The following NIBAN1 variants were observed in gnomAD, a reference collection of about 807,000 sequenced individuals.
The protein encoded by NIBAN1 is niban apoptosis regulator 1, also known as protein Niban 1.
NIBAN1 carries 81 observed loss-of-function variants against 75.1 expected under a neutral mutation model. The observed-to-expected ratio is 1.08, with a 90% CI of 0.90 to 1.30. The LOEUF is 1.30. Among genes scored for constraint, NIBAN1 ranks in the 50% most tolerant of loss-of-function variants. NIBAN1 has a pLI of 0.00. For synonymous variants in NIBAN1, 436 were observed against 424.8 expected, an observed-to-expected ratio of 1.03 and a Z score of -0.32; for missense variants, 1,133 against 1,128.1, an observed-to-expected ratio of 1.00 and a Z score of -0.06.
intron 5 of NIBAN1, among the ~76,000 whole-genome samples, chr1:184,843,700 C>T (rs553442072): frequency 6.6e-6 from 1 of 152,190 alleles, no homozygotes; most frequent in Non-Finnish European, 1.5e-5. Flanking sequence ...GAGTGCAAAA[C>T]TATCTCCCAA....
At chr1:184,842,090 G>A (rs545451062) in intron 5 of NIBAN1, among the ~76,000 whole-genome samples, 1 of 152,226 alleles carries the variant, frequency 6.6e-6, no homozygotes, top group African/African-American at 2.4e-5. Flanking sequence ...AAGGGGTGCT[G>A]GTTTAAATCT....
chr1:184,947,522 A>G (rs2102059119), intron 1 of NIBAN1, among the ~76,000 whole-genome samples: 1 of 152,322 alleles, frequency 6.6e-6, no homozygotes, highest in South Asian at 2.1e-4. Flanking sequence ...CAAGTTGCCA[A>G]TGTTTAACAT....
At chr1:184,899,093 A>G in intron 2 of NIBAN1, 86 bp downstream of exon 2, 1 of 1,483,854 alleles carries the variant, frequency 6.7e-7, no homozygotes, top group Non-Finnish European at 9.2e-7. Flanking sequence ...ACTGCCATTC[A>G]AATTATTGTT....
At chr1:184,814,213 C>T (rs1480326149) in intron 9 of NIBAN1, among the ~76,000 whole-genome samples, 3 of 151,968 alleles carry the variant, frequency 2.0e-5, no homozygotes, top group African/African-American at 7.2e-5. Context: ...TGCTTTTTCC[C>T]TAAATTGGAC....
At chr1:184,910,517 C>T (rs2102004110) in intron 1 of NIBAN1, among the ~76,000 whole-genome samples, 1 of 152,208 alleles carries the variant, frequency 6.6e-6, no homozygotes, top group South Asian at 2.1e-4. Flanking sequence ...GAGTTTTCTT[C>T]TCTGTTAGTA....
intron 1 of NIBAN1, among the ~76,000 whole-genome samples, chr1:184,914,409 G>A (rs984153549): frequency 2.0e-5 from 3 of 152,204 alleles, no homozygotes; most frequent in Non-Finnish European, 4.4e-5. Flanking sequence ...CAAATGTGGT[G>A]TCTACTAGAA....
chr1:184,832,213 C>T (rs1655018541), intron 5 of NIBAN1, among the ~76,000 whole-genome samples: 1 of 152,132 alleles, frequency 6.6e-6, no homozygotes, highest in Admixed American at 6.5e-5. Context: ...TAGAAGGAGG[C>T]CCGTCTCCTT....
intron 5 of NIBAN1, among the ~76,000 whole-genome samples, chr1:184,879,785 C>T (rs1395614736): frequency 6.6e-6 from 1 of 152,172 alleles, no homozygotes; most frequent in Non-Finnish European, 1.5e-5. Flanking sequence ...GACAGAGTAA[C>T]CAATTCCAAC....
rs1657957852 is a variant in NIBAN1 at position 184,936,244 on chromosome 1, G to C, written c.56-36935C>G. On this transcript the variant is annotated intron_variant, in intron 1 of 13. Transcript: ENST00000367511. Reference sequence around the variant, plus strand: ...ATGCTGGAAATGGAGGATCCTGAGGGAAAAAGAACAACAGGAGAACTCACA... The same window carrying C: ...ATGCTGGAAATGGAGGATCCTGAGGCAAAAAGAACAACAGGAGAACTCACA... 2.0e-5 allele frequency among the ~76,000 whole-genome samples: 3 copies of C among 152,182 alleles called. No homozygotes were observed. In the South Asian group the frequency reaches 6.2e-4, roughly 32 times the overall value.
chr1:184,805,932 G>A lies in NIBAN1; in HGVS notation c.1446+14C>T, dbSNP rs764770796. On this transcript the variant is annotated intron_variant, in intron 11 of 13. Transcript: ENST00000367511. The stretch of plus-strand genomic sequence containing the variant: ...CTCTTTTTATGCTTCCCACAAACAA[G>A]AGAACGGTTTTACCTTTAAGACTCG... 3.1e-6 allele frequency: 5 copies of A among 1,602,080 alleles called. No homozygotes were observed. In the South Asian group the frequency reaches 5.5e-5, roughly 18 times the overall value.
chr1:184,912,774 A>G (rs1449411607), intron 1 of NIBAN1, among the ~76,000 whole-genome samples: 3 of 152,270 alleles, frequency 2.0e-5, no homozygotes, highest in African/African-American at 7.2e-5. Flanking sequence ...TTTTTATGAG[A>G]CTGACAGCTT....
chr1:184,872,178 T>C (rs575050822), intron 5 of NIBAN1, among the ~76,000 whole-genome samples: 7 of 152,072 alleles, frequency 4.6e-5, no homozygotes, highest in Non-Finnish European at 7.3e-5. Flanking sequence ...TAAAAATATT[T>C]TTAAAAATTG....
chr1:184,827,953 G>GTTTTTTTTTTTTTTTTTTTTTTT (rs1174066517), intron 6 of NIBAN1, among the ~76,000 whole-genome samples: 1 of 100,280 alleles, frequency 1.0e-5, no homozygotes. Flanking sequence ...GGGTAGTTTT[G>GTTTTTTTTTTTTTTTTTTTTTTT]TTTTTTGTTT....
At chr1:184,914,081 G>A (rs547750434) in intron 1 of NIBAN1, among the ~76,000 whole-genome samples, 7 of 152,316 alleles carry the variant, frequency 4.6e-5, no homozygotes, top group African/African-American at 1.7e-4. Flanking sequence ...TCAGCACAGA[G>A]CAAACTTTCA....
intron 1 of NIBAN1, among the ~76,000 whole-genome samples, chr1:184,974,016 G>T (rs950430514): frequency 1.3e-5 from 2 of 152,172 alleles, no homozygotes; most frequent in Non-Finnish European, 2.9e-5. Context: ...TGCGCCGGGC[G>T]GGGGCGGCAC....
At chr1:184,911,818 C>A (rs1657248337) in intron 1 of NIBAN1, among the ~76,000 whole-genome samples, 1 of 152,130 alleles carries the variant, frequency 6.6e-6, no homozygotes, top group Admixed American at 6.6e-5. Flanking sequence ...TGCATGTTTT[C>A]TTTAGTTATG....
intron 9 of NIBAN1, among the ~76,000 whole-genome samples, chr1:184,815,398 A>G (rs947363575): frequency 2.6e-5 from 4 of 152,126 alleles, no homozygotes; most frequent in Admixed American, 2.0e-4. Context: ...TAATCTCACA[A>G]CTGAGAAGGG....
chr1:184,806,106 C>T (rs1439781037), intron 10 of NIBAN1, 50 bp from the exon 11 acceptor site: 12 of 1,485,088 alleles, frequency 8.1e-6, no homozygotes, highest in Non-Finnish European at 1.1e-5. Context: ...GGGCTGGGAT[C>T]ACCACCCACA....
rs1285118382 is a variant in NIBAN1 at position 184,793,791 on chromosome 1, A to G, written c.*1186T>C. ...AAAATGTAAGTTCTAGGAGGAAGGA[A>G]CAAAGTTGTTTTTCGCCATGGTATC... is the stretch of plus-strand genomic sequence containing the variant. On this transcript the variant is annotated 3_prime_UTR_variant, in exon 14 of 14. Coordinates refer to ENST00000367511, the MANE Select transcript of NIBAN1 (RefSeq NM_052966.4). The G allele has an allele frequency of 6.6e-6, 1 of 152,208 alleles. No homozygotes were observed. Among genetic ancestry groups the G allele is most frequent in the African/African-American group, 2.4e-5 (1 of 41,448 alleles). The allele number at this position is 152,208 out of a possible 1,614,324, so 9.4% of individuals were successfully genotyped here.
Sources: gnomAD v4.1 joint callset for allele counts (sites outside exome capture counted in the v4.1 genomes callset) on GRCh38, gnomAD v4.1.1 for gene constraint, MANE v1.5 for transcripts, NCBI Gene and HGNC (gene_info 2026-07-23, HGNC 2026-07-21) for gene names.